Variants in DIAPH1 observed in about 807,000 individuals in gnomAD.
The protein encoded by DIAPH1 is protein diaphanous homolog 1.
DIAPH1 carries 46 observed loss-of-function variants against 140.7 expected under a neutral mutation model. The observed-to-expected ratio is 0.33, with a 90% confidence interval of 0.26 to 0.42. The LOEUF (loss-of-function observed/expected upper bound fraction) is 0.42. Ranked by LOEUF, DIAPH1 falls within the 10% of genes least tolerant of loss-of-function variation. The pLI is 1.00. For missense variants in DIAPH1, 1,310 were observed against 1,558.7 expected (o/e 0.84, Z 2.69); for synonymous variants, 565 against 551.6 (o/e 1.02, Z -0.34).
chr5:141,540,990 G>A (rs987398126), intron 18 of DIAPH1, among the ~76,000 whole-genome samples: 5 of 152,082 alleles, frequency 3.3e-5, no homozygotes, highest in South Asian at 2.1e-4. Flanking sequence ...AGCCCGGGAG[G>A]GGGAAGTTGC....
At chr5:141,592,774 T>A (rs2099898701) in intron 1 of DIAPH1, among the ~76,000 whole-genome samples, 1 of 152,166 alleles carries the variant, frequency 6.6e-6, no homozygotes, top group Non-Finnish European at 1.5e-5. Context: ...CATTAGCACT[T>A]ATACCTTTAA....
In DIAPH1 at chr5:141,593,777, G is replaced by A. The variant is rs531358077; in HGVS notation, c.118-5527C>T. On this transcript the variant is annotated intron_variant, in intron 1 of 27. Transcript: ENST00000389054. The stretch of plus-strand genomic sequence containing the variant: ...CTAGAATAGCCAAAATCCACAACAC[G>A]GATGATGCCAAATGCTTGCAAAGAT... Among the ~76,000 whole-genome samples the A allele has an allele frequency of 6.1e-4, 93 of 152,210 alleles. 1 individual carries two copies. The South Asian group carries it at 0.018, about 30-fold the overall frequency.
intron 18 of DIAPH1, among the ~76,000 whole-genome samples, chr5:141,544,334 G>GA (rs1215175755): frequency 3.3e-5 from 5 of 151,800 alleles, no homozygotes; most frequent in African/African-American, 1.2e-4. Context: ...TAAAAATAAA[G>GA]AAAGAAAAGA....
chr5:141,553,221 G>A (rs1477757648), intron 18 of DIAPH1, among the ~76,000 whole-genome samples: 1 of 152,206 alleles, frequency 6.6e-6, no homozygotes, highest in Non-Finnish European at 1.5e-5. Flanking sequence ...GAACCCAGGA[G>A]GTGGAGGTTG....
intron 22 of DIAPH1, 48 bp downstream of exon 22, chr5:141,528,654 G>A (rs772774094): frequency 1.2e-6 from 2 of 1,614,108 alleles, no homozygotes; most frequent in East Asian, 4.5e-5. Context: ...TGAACTCATA[G>A]AGGCTACAGC....
At chr5:141,547,862 A>G (rs575547459) in intron 18 of DIAPH1, among the ~76,000 whole-genome samples, 31 of 152,220 alleles carry the variant, frequency 2.0e-4, no homozygotes, top group Non-Finnish European at 4.3e-4. Flanking sequence ...ACACCGTGGC[A>G]TATCATCATA....
At chr5:141,580,970 G>T (rs960300758) in intron 7 of DIAPH1, 87 bp from the exon 8 acceptor site, 52 of 1,539,334 alleles carry the variant, frequency 3.4e-5, no homozygotes, top group Middle Eastern at 3.4e-4. Flanking sequence ...TGGGTTGAAT[G>T]GTGTCCTCTT....
At chr5:141,547,739 C>G (rs886963770) in intron 18 of DIAPH1, among the ~76,000 whole-genome samples, 2 of 152,108 alleles carry the variant, frequency 1.3e-5, no homozygotes, top group Admixed American at 1.3e-4. Flanking sequence ...AAAAATTGGA[C>G]AGGAGCAAGA....
At chr5:141,577,282 A>C (rs1486469573) in intron 12 of DIAPH1, among the ~76,000 whole-genome samples, 193 bp downstream of exon 12, 1 of 152,170 alleles carries the variant, frequency 6.6e-6, no homozygotes, top group Non-Finnish European at 1.5e-5. Context: ...ATACACTCTG[A>C]CCTCTGCCAT....
chr5:141,544,704 T>A (rs1472744950), intron 18 of DIAPH1, among the ~76,000 whole-genome samples: 1 of 152,162 alleles, frequency 6.6e-6, no homozygotes, highest in African/African-American at 2.4e-5. Context: ...CCTTTTAAAA[T>A]CACTAAAAAC....
At chr5:141,517,121 TCA>T (rs2099885804) in intron 27 of DIAPH1, 113 bp from the exon 28 acceptor site, 1 of 1,189,530 alleles carries the variant, frequency 8.4e-7, no homozygotes, top group South Asian at 1.3e-5. Flanking sequence ...CTTGGCCACT[TCA>T]CAGAGGCCCT....
At chr5:141,552,674 T>C (rs1214961918) in intron 18 of DIAPH1, among the ~76,000 whole-genome samples, 2 of 152,228 alleles carry the variant, frequency 1.3e-5, no homozygotes, top group Admixed American at 1.3e-4. Context: ...ATAGGAACAA[T>C]AGGAAACTAA....
In DIAPH1 at chr5:141,584,442, T is replaced by C. The variant is rs558117530; in HGVS notation, c.301-217A>G. 5.9e-4 allele frequency among the ~76,000 whole-genome samples: 86 copies of C among 146,598 alleles called. 2 individuals are homozygous for C. In the Middle Eastern group the frequency reaches 0.01, roughly 18 times the overall value. On this transcript the variant is annotated intron_variant, in intron 3 of 27. Transcript: ENST00000389054. The stretch of plus-strand genomic sequence containing the variant: ...TTTAGTATAAATCTCTATAGACATA[T>C]ACACACTTTTTTTCTCTAAGAAAAA...
chr5:141,583,966 G>A (rs2099897169), intron 4 of DIAPH1, among the ~76,000 whole-genome samples, 158 bp downstream of exon 4: 1 of 151,990 alleles, frequency 6.6e-6, no homozygotes, highest in Non-Finnish European at 1.5e-5. Flanking sequence ...ATGTAAGAAC[G>A]GTAACTAAAT....
intron 1 of DIAPH1, among the ~76,000 whole-genome samples, chr5:141,598,631 T>C (rs575226882): frequency 6.6e-6 from 1 of 152,196 alleles, no homozygotes; most frequent in Non-Finnish European, 1.5e-5. Flanking sequence ...TGTGGTAAGA[T>C]AAATCTTTTG....
intron 3 of DIAPH1, among the ~76,000 whole-genome samples, chr5:141,585,766 C>A (rs1307312447): frequency 6.6e-6 from 1 of 151,814 alleles, no homozygotes; most frequent in Non-Finnish European, 1.5e-5. Flanking sequence ...TGCGACAGAG[C>A]AATACTCCAT....
chr5:141,531,950 T>G (rs2099888295), intron 19 of DIAPH1, among the ~76,000 whole-genome samples: 1 of 152,172 alleles, frequency 6.6e-6, no homozygotes, highest in South Asian at 2.1e-4. Flanking sequence ...CAAAGCAGCC[T>G]TCCTAAAAAT....
At chr5:141,589,154 T>C (rs1425881159) in intron 1 of DIAPH1, 1 of 153,934 alleles carries the variant, frequency 6.5e-6, no homozygotes, top group African/African-American at 2.4e-5. Context: ...GACTTTGTGG[T>C]GGGGCTAAGA....
rs1359038602 is a variant in DIAPH1, at chr5:141,529,517, G to T, written c.2676+86C>A. 5.3e-6 allele frequency: 6 copies of T among 1,137,070 alleles called. No individual in the cohort carries two copies. In the African/African-American group the frequency reaches 9.1e-5, roughly 17 times the overall value. The allele number at this position is 1,137,070 out of a possible 1,614,324, so 70.4% of individuals were successfully genotyped here. The stretch of plus-strand genomic sequence containing the variant: ...CATTCATAAGTCAGCAATGCTGGAG[G>T]AGGATCCTCTTCATCTACACAGAGA... On this transcript the variant is annotated intron_variant, in intron 20 of 27. Transcript: ENST00000389054.
Sources: gnomAD v4.1 joint callset for allele counts (sites outside exome capture counted in the v4.1 genomes callset) on GRCh38, gnomAD v4.1.1 for gene constraint, MANE v1.5 for transcripts, NCBI Gene and HGNC (gene_info 2026-07-23, HGNC 2026-07-21) for gene names.